The following DNAJC13 variants were observed in gnomAD, a reference collection of about 807,000 sequenced individuals.
DNAJC13 encodes DnaJ heat shock protein family (Hsp40) member C13.
In DNAJC13, 75 loss-of-function variants were observed where a neutral mutation model predicts 290.5. That is an observed-to-expected ratio of 0.26 (90% confidence interval 0.21 to 0.31). The LOEUF is 0.31. DNAJC13 is among the 10% of genes least tolerant of loss of function. The pLI is 1.00. For missense variants in DNAJC13, 2,260 were observed against 2,674.5 expected (o/e 0.85, Z 3.42); for synonymous variants, 862 against 892.0 (o/e 0.97, Z 0.60).
chr3:132,444,305 G>T (rs780897415), intron 2 of DNAJC13, among the ~76,000 whole-genome samples: 7 of 152,206 alleles, frequency 4.6e-5, no homozygotes, highest in Admixed American at 6.5e-5. Context: ...TTCCTTATTG[G>T]ACAGTGGAAA....
intron 31 of DNAJC13, 73 bp from the exon 32 acceptor site, chr3:132,490,824 T>G (rs1935038514): frequency 7.3e-7 from 1 of 1,371,356 alleles, no homozygotes; most frequent in East Asian, 2.6e-5. Context: ...TCTCTAACCA[T>G]AAATCATTTA....
chr3:132,470,608 G>A (rs1576479547), intron 20 of DNAJC13, among the ~76,000 whole-genome samples: 1 of 142,646 alleles, frequency 7.0e-6, no homozygotes, highest in Non-Finnish European at 1.5e-5. Context: ...GGCTGGCCGG[G>A]CGGGGGGGCT....
chr3:132,421,570 T>C (rs1938960493), intron 1 of DNAJC13, among the ~76,000 whole-genome samples: 1 of 151,840 alleles, frequency 6.6e-6, no homozygotes, highest in African/African-American at 2.4e-5. Flanking sequence ...TAGCTGGGAC[T>C]ACAGGCGCTT....
At chr3:132,534,352 G>A (rs536161679) in intron 55 of DNAJC13, among the ~76,000 whole-genome samples, 31 of 152,268 alleles carry the variant, frequency 2.0e-4, no homozygotes, top group African/African-American at 7.5e-4. Context: ...GCTCTAGTCT[G>A]TCCTATTTGA....
At chr3:132,447,218 A>T (rs1015637103) in intron 3 of DNAJC13, 103 bp from the exon 4 acceptor site, 1 of 1,007,010 alleles carries the variant, frequency 9.9e-7, no homozygotes, top group African/African-American at 1.7e-5. Context: ...ATTTTATAAA[A>T]TTTTGCTGAT....
At chr3:132,497,854 C>T (rs1935284423) in intron 36 of DNAJC13, among the ~76,000 whole-genome samples, 1 of 150,232 alleles carries the variant, frequency 6.7e-6, no homozygotes, top group Admixed American at 6.6e-5. Flanking sequence ...ACGTATGTGT[C>T]ACTTTTTTTT....
chr3:132,523,578 G>A lies in DNAJC13; in HGVS notation c.5925G>A (p.Glu1975=). The A allele has an allele frequency of 6.2e-7, 1 of 1,614,074 alleles. No homozygotes were observed. The highest frequency in any genetic ancestry group is 1.1e-5 in the South Asian group (1 of 91,066). The part of the protein sequence containing the change: ...EDFAVVFGEA[E]GELAVGGVFL... ...TTGCTGTGGTGTTTGGAGAAGCAGA[G>A]GGTGAACTTGCTGTTGGAGGAGTCT... is the stretch of plus-strand genomic sequence containing the variant. Residue 1975 remains glutamate (E), a synonymous_variant, in exon 51 of 56, where the codon GAG becomes GAA. Coordinates refer to ENST00000260818, the MANE Select transcript of DNAJC13 (RefSeq NM_015268.4).
Position 132,526,236 on chromosome 3 carries a change from A to G in DNAJC13, c.6336A>G (p.Ala2112=). 6.2e-7 allele frequency: 1 copy of G among 1,614,066 alleles called. No homozygotes were observed. Among genetic ancestry groups the G allele is most frequent in the Non-Finnish European group, 8.5e-7 (1 of 1,179,984 alleles). The stretch of plus-strand genomic sequence containing the variant: ...ATACTGTTGGTCTAGCCTGTGAAGC[A>G]ATTAATCGAATGTTTCAGAAGGAGC... ...RADTVGLACE[A]INRMFQKEQS... is the part of the protein sequence containing the mutation. The change falls in exon 53 of 56, where the codon GCA becomes GCG. Residue 2112 remains alanine, a synonymous_variant. Coordinates refer to ENST00000260818, the MANE Select transcript of DNAJC13 (RefSeq NM_015268.4).
intron 51 of DNAJC13, among the ~76,000 whole-genome samples, chr3:132,524,327 A>G (rs751185662): frequency 8.5e-5 from 13 of 152,202 alleles, no homozygotes; most frequent in Admixed American, 2.0e-4. Flanking sequence ...GTTGACCTAC[A>G]TGATTGTTGT....
At chr3:132,444,922 G>GA (rs1019505741) in intron 2 of DNAJC13, among the ~76,000 whole-genome samples, 10 of 151,284 alleles carry the variant, frequency 6.6e-5, no homozygotes, top group East Asian at 5.8e-4. Context: ...GTAGAGTTAG[G>GA]AAAAAAAACA....
chr3:132,524,081 C>G (rs569085206), intron 51 of DNAJC13: 1 of 165,652 alleles, frequency 6.0e-6, no homozygotes, highest in Admixed American at 6.2e-5. Flanking sequence ...ATGTGCTGCA[C>G]TCTACTTTGT....
At chr3:132,423,163 C>T (rs1939006110) in intron 1 of DNAJC13, among the ~76,000 whole-genome samples, 3 of 152,060 alleles carry the variant, frequency 2.0e-5, no homozygotes, top group Admixed American at 6.5e-5. Flanking sequence ...GCTGTGGTGA[C>T]GTGTGCTCGG....
At chr3:132,481,293 A>C (rs1934664762) in intron 26 of DNAJC13, among the ~76,000 whole-genome samples, 1 of 152,196 alleles carries the variant, frequency 6.6e-6, no homozygotes, top group Non-Finnish European at 1.5e-5. Flanking sequence ...AGGTGATTGT[A>C]AGAAAAAGAA....
chr3:132,497,071 G>A (rs932128230), intron 36 of DNAJC13, among the ~76,000 whole-genome samples: 1 of 152,184 alleles, frequency 6.6e-6, no homozygotes, highest in Non-Finnish European at 1.5e-5. Context: ...AACACCAAGA[G>A]CATTCAGATT....
In DNAJC13 at chr3:132,461,071, G is replaced by A. The variant is rs764323610; in HGVS notation, c.1579G>A (p.Val527Ile). ...TCAGGATCATGGGACTGGTGCCCTA[G>A]TTATTAGTTCGCTCTTGGACTTCCT... ...SHVDHGTGAL[V>I]ISSLLDFLTF... Residue 527 changes from valine (V) to isoleucine (I), a missense_variant, in exon 15 of 56, where the codon GTT (valine) becomes ATT (isoleucine). Transcript: ENST00000260818. 2 of 1,614,018 alleles carry A rather than the reference G, an allele frequency of 1.2e-6. No individual in the cohort carries two copies. Among genetic ancestry groups the A allele is most frequent in the Non-Finnish European group, 8.5e-7 (1 of 1,179,952 alleles).
chr3:132,531,526 G>A (rs1257830156), intron 55 of DNAJC13, among the ~76,000 whole-genome samples: 4 of 152,122 alleles, frequency 2.6e-5, no homozygotes, highest in South Asian at 2.1e-4. Flanking sequence ...GGCTGGGCGC[G>A]GTGGCTCACG....
At chr3:132,494,101 A>G in intron 33 of DNAJC13, 43 bp from the exon 34 acceptor site, 2 of 1,292,334 alleles carry the variant, frequency 1.5e-6, no homozygotes, top group Non-Finnish European at 2.2e-6. Flanking sequence ...TATACTCTGA[A>G]ATAGTTTTAC....
chr3:132,448,299 G>T (rs1379859103), intron 5 of DNAJC13, among the ~76,000 whole-genome samples: 1 of 152,158 alleles, frequency 6.6e-6, no homozygotes, highest in African/African-American at 2.4e-5. Flanking sequence ...TTTGGTGTAG[G>T]AGTTTCTTAT....
At chr3:132,424,812 GTTTGT>G (rs1196292118) in intron 1 of DNAJC13, among the ~76,000 whole-genome samples, 1 of 151,988 alleles carries the variant, frequency 6.6e-6, no homozygotes, top group Non-Finnish European at 1.5e-5. Flanking sequence ...TGTATTTATG[GTTTGT>G]TTTAAGATTC....
Sources: allele counts gnomAD v4.1 joint callset (sites outside exome capture counted in the v4.1 genomes callset), GRCh38; gene constraint gnomAD v4.1.1; transcripts MANE v1.5; gene names NCBI Gene and HGNC (gene_info 2026-07-23, HGNC 2026-07-21).